Variants in RBM19 observed in about 807,000 individuals in gnomAD.
RBM19 encodes the protein RNA binding motif protein 19, also known as probable RNA-binding protein 19.
Under a neutral mutation model 116.8 loss-of-function variants are expected in RBM19, and 94 were observed. That is an observed-to-expected ratio of 0.80 (90% confidence interval 0.68 to 0.95). RBM19 has a LOEUF of 0.95. Ranked by LOEUF, RBM19 falls within the 40% of genes least tolerant of loss-of-function variation. The pLI is 0.00. For missense variants in RBM19, 1,161 were observed against 1,220.7 expected (o/e 0.95, Z 0.73); for synonymous variants, 475 against 494.1 (o/e 0.96, Z 0.51).
chr12:113,872,607 G>A (rs1200938450), intron 21 of RBM19, among the ~76,000 whole-genome samples: 7 of 100,560 alleles, frequency 7.0e-5, no homozygotes, highest in South Asian at 4.3e-4. Context: ...CAGCCGCCCC[G>A]TCCGGGAGGT....
rs778811149 is a variant in RBM19, at chr12:113,823,192, G to A, written c.*32C>T. The A allele has an allele frequency of 8.2e-6, 13 of 1,592,666 alleles. No individual in the cohort carries two copies. In the South Asian group the frequency reaches 1.3e-4, roughly 16 times the overall value. On this transcript the variant is annotated 3_prime_UTR_variant, in exon 24 of 24. Transcript: ENST00000261741. ...TGGAGCGGCTGTCCCGGTCCCCAGG[G>A]CCCCGGAGCCACACACCCTCTCGGT... is the stretch of plus-strand genomic sequence containing the variant.
chr12:113,845,402 G>A (rs1193311411), intron 22 of RBM19, among the ~76,000 whole-genome samples: 1 of 152,120 alleles, frequency 6.6e-6, no homozygotes, highest in Non-Finnish European at 1.5e-5. Context: ...ACTCTTTGCT[G>A]TTCCCGACTC....
intron 21 of RBM19, among the ~76,000 whole-genome samples, chr12:113,880,827 T>C (rs1248705718): frequency 6.6e-6 from 1 of 152,172 alleles, no homozygotes; most frequent in African/African-American, 2.4e-5. Flanking sequence ...CTTACTGGTC[T>C]TGGCCAAAAA....
At chr12:113,963,367 C>G (rs1872649520) in intron 1 of RBM19, among the ~76,000 whole-genome samples, 1 of 152,132 alleles carries the variant, frequency 6.6e-6, no homozygotes, top group Non-Finnish European at 1.5e-5. Context: ...TAAGCAGATA[C>G]TGGGATATTT....
At chr12:113,860,663 C>G (rs1878291555) in intron 21 of RBM19, among the ~76,000 whole-genome samples, 1 of 152,240 alleles carries the variant, frequency 6.6e-6, no homozygotes, top group Non-Finnish European at 1.5e-5. Flanking sequence ...CCTCACCTAA[C>G]TGCACTAGCC....
chr12:113,947,568 G>T, intron 10 of RBM19, 104 bp from the exon 11 acceptor site: 1 of 1,284,634 alleles, frequency 7.8e-7, no homozygotes, highest in Non-Finnish European at 1.1e-6. Context: ...GGTCATGGGT[G>T]TCATTTCCCA....
intron 21 of RBM19, among the ~76,000 whole-genome samples, chr12:113,860,483 C>A (rs542952470): frequency 6.6e-6 from 1 of 152,340 alleles, no homozygotes; most frequent in East Asian, 1.9e-4. Context: ...TCTTCAGAAG[C>A]CCACTGGGAC....
At position 113,823,275 on chromosome 12, in the gene RBM19, C is replaced by T. The variant is rs1874575301; in HGVS notation, c.2832G>A (p.Glu944=). The T allele has an allele frequency of 6.2e-7, 1 of 1,613,050 alleles. No homozygotes were observed. The highest frequency in any genetic ancestry group is 8.5e-7 in the Non-Finnish European group (1 of 1,180,036). Residue 944 remains glutamate, a synonymous_variant, in exon 24 of 24, where the codon GAG becomes GAA. Transcript: ENST00000261741. ...TGTCGCTGTCACTGCCTTCCAGCTG[C>T]TCCAGGATCTCGTCCAACACCACAG... is the stretch of plus-strand genomic sequence containing the variant. ...KRSVVLDEIL[E]QLEGSDSDSE...
chr12:113,954,228 G>T (rs539120274), intron 7 of RBM19, among the ~76,000 whole-genome samples: 1 of 152,178 alleles, frequency 6.6e-6, no homozygotes, highest in South Asian at 2.1e-4. Context: ...CCAAGAAGAG[G>T]CTTCAGTGAG....
intron 23 of RBM19, among the ~76,000 whole-genome samples, chr12:113,840,751 C>T (rs1876395987): frequency 6.6e-6 from 1 of 152,216 alleles, no homozygotes; most frequent in Non-Finnish European, 1.5e-5. Context: ...GCAGTGCCCA[C>T]TGGTAGCTGC....
chr12:113,886,897 A>G (rs1034360022), intron 21 of RBM19, among the ~76,000 whole-genome samples: 1 of 152,184 alleles, frequency 6.6e-6, no homozygotes, highest in African/African-American at 2.4e-5. Context: ...AGAGGACTTT[A>G]GAGATGAACA....
At chr12:113,868,166 G>A (rs1012042436) in intron 21 of RBM19, among the ~76,000 whole-genome samples, 3 of 152,158 alleles carry the variant, frequency 2.0e-5, no homozygotes, top group Non-Finnish European at 4.4e-5. Flanking sequence ...CAGGAAAAAT[G>A]AGTCTCTGGC....
At chr12:113,943,630 A>G (rs1288914651) in intron 13 of RBM19, among the ~76,000 whole-genome samples, 1 of 151,954 alleles carries the variant, frequency 6.6e-6, no homozygotes, top group African/African-American at 2.4e-5. Context: ...GACCAGCCTG[A>G]CTGACCAACA....
rs1454663394 is a variant in RBM19, at chr12:113,830,584, G to A, written c.2786-7263C>T. On this transcript the variant is annotated intron_variant, in intron 23 of 23. Coordinates refer to ENST00000261741, the MANE Select transcript of RBM19 (RefSeq NM_016196.4). ...AGCTAGGGCTGCGGGGCGGGGGGGG[G>A]GGGGGTGGGCTATGCCTGGGGGCTT... Among the ~76,000 whole-genome samples, 9 of 106,978 alleles carry A rather than the reference G, an allele frequency of 8.4e-5. No homozygotes were observed. The South Asian group carries it at 4.4e-3, about 52-fold the overall frequency. 70.2% of individuals were successfully genotyped at this position (106,978 alleles called of 152,430 possible).
chr12:113,903,258 C>A lies in RBM19; in HGVS notation c.2558+11711G>T, dbSNP rs1249565228. On this transcript the variant is annotated intron_variant, in intron 21 of 23. Coordinates refer to ENST00000261741, the MANE Select transcript of RBM19 (RefSeq NM_016196.4). This position sits in a 1 kb window ranked among gnomAD's most constrained non-coding sequence, Gnocchi z 5.1. Reference sequence around the variant, plus strand: ...GGGTGCAGAATCTGTGGATGTGGAACCCACAGATACAGAATCATAGGATAC... The same window carrying A: ...GGGTGCAGAATCTGTGGATGTGGAAACCACAGATACAGAATCATAGGATAC... 6.6e-6 allele frequency among the ~76,000 whole-genome samples: 1 copy of A among 152,170 alleles called. No individual in the cohort carries two copies. Among genetic ancestry groups the A allele is most frequent in the African/African-American group, 2.4e-5 (1 of 41,428 alleles).
chr12:113,918,577 T>G, intron 19 of RBM19, 130 bp from the exon 20 acceptor site: 2 of 896,636 alleles, frequency 2.2e-6, no homozygotes, highest in Non-Finnish European at 1.7e-6. Flanking sequence ...TGGGGCTAGC[T>G]GGTCTAGAGG....
chr12:113,823,236 G>T lies in RBM19; in HGVS notation c.2871C>A (p.Thr957=). 6.2e-7 allele frequency: 1 copy of T among 1,610,972 alleles called. No homozygotes were observed. Residue 957 remains threonine, a synonymous_variant, in exon 24 of 24, where the codon ACC becomes ACA. Coordinates refer to ENST00000261741, the MANE Select transcript of RBM19 (RefSeq NM_016196.4). ...EGSDSDSEEQ[T]LQL is the part of the protein sequence containing the mutation. Reference sequence around the variant, plus strand: ...TCTCGGTGCCAGCTCACAGCTGAAGGGTCTGCTCCTCGCTGTCGCTGTCAC... The same window carrying T: ...TCTCGGTGCCAGCTCACAGCTGAAGTGTCTGCTCCTCGCTGTCGCTGTCAC...
intron 23 of RBM19, among the ~76,000 whole-genome samples, chr12:113,833,087 C>T (rs968563867): frequency 2.0e-5 from 3 of 152,146 alleles, no homozygotes; most frequent in Non-Finnish European, 2.9e-5. Context: ...TGCCTGACAT[C>T]GAGGGGAGTC....
downstream of RBM19, among the ~76,000 whole-genome samples, chr12:113,820,942 C>T (rs578112294): frequency 5.3e-5 from 8 of 152,334 alleles, no homozygotes; most frequent in African/African-American, 1.4e-4. Flanking sequence ...AAGGCAGTGA[C>T]GCAGGAAGGG....
Sources: allele counts gnomAD v4.1 joint callset (sites outside exome capture counted in the v4.1 genomes callset), GRCh38; gene constraint gnomAD v4.1.1; non-coding constraint Gnocchi (gnomAD v3.1); transcripts MANE v1.5; gene names NCBI Gene and HGNC (gene_info 2026-07-23, HGNC 2026-07-21).